Variants in PITPNM2 observed in about 807,000 individuals in gnomAD.
PITPNM2 encodes membrane-associated phosphatidylinositol transfer protein 2.
PITPNM2 carries 35 observed loss-of-function variants against 132.2 expected under a neutral mutation model. That is an observed-to-expected ratio of 0.26 (90% CI 0.20 to 0.35). The LOEUF is 0.35. Among genes scored for constraint, PITPNM2 ranks in the 10% least tolerant of loss-of-function variants. PITPNM2 has a pLI of 1.00. For synonymous variants in PITPNM2, 738 were observed against 799.2 expected, an observed-to-expected ratio of 0.92 and a Z score of 1.29; for missense variants, 1,332 against 1,912.0, an observed-to-expected ratio of 0.70 and a Z score of 5.66.
At chr12:123,057,391 A>G (rs1044963502) in intron 2 of PITPNM2, among the ~76,000 whole-genome samples, 2 of 151,426 alleles carry the variant, frequency 1.3e-5, no homozygotes, top group African/African-American at 4.9e-5. Flanking sequence ...AAAAAAAAAA[A>G]AAAAAAAATT....
intron 23 of PITPNM2, 72 bp downstream of exon 23, chr12:122,987,209 C>T: frequency 6.3e-7 from 1 of 1,588,732 alleles, no homozygotes; most frequent in Non-Finnish European, 8.6e-7. Flanking sequence ...TGTCCTCCTC[C>T]ACCTGGCTGG....
intron 2 of PITPNM2, among the ~76,000 whole-genome samples, chr12:123,069,653 G>A (rs1006545280): frequency 5.3e-5 from 8 of 152,088 alleles, no homozygotes; most frequent in African/African-American, 1.9e-4. Flanking sequence ...GGCACCTTGC[G>A]CCCACTTTCC....
chr12:122,991,962 G>A (rs952064196), intron 16 of PITPNM2: 5 of 1,275,978 alleles, frequency 3.9e-6, no homozygotes, highest in African/African-American at 1.5e-5. Flanking sequence ...ATCCAGACAC[G>A]CTCTGACACA....
At chr12:123,013,680 G>A (rs1353419717) in intron 4 of PITPNM2, 148 bp downstream of exon 4, 2 of 929,568 alleles carry the variant, frequency 2.2e-6, no homozygotes, top group African/African-American at 3.3e-5. Context: ...CGGGGCACCT[G>A]TATGGAACAA....
chr12:123,017,730 G>C (rs763223589), intron 3 of PITPNM2, among the ~76,000 whole-genome samples: 1 of 152,204 alleles, frequency 6.6e-6, no homozygotes, highest in African/African-American at 2.4e-5. Context: ...GATGAACCTT[G>C]AAAAGATTCT....
rs1466641944 is a variant in PITPNM2 at position 123,095,099 on chromosome 12, G to A, written c.-96+15286C>T. 6.6e-6 allele frequency among the ~76,000 whole-genome samples: 1 copy of A among 152,160 alleles called. No homozygotes were observed. The highest frequency in any genetic ancestry group is 1.5e-5 in the Non-Finnish European group (1 of 68,014). On this transcript the variant is annotated intron_variant, in intron 2 of 25. Coordinates refer to ENST00000320201, the MANE Select transcript of PITPNM2 (RefSeq NM_020845.3). This position sits in a 1 kb window ranked among gnomAD's most constrained non-coding sequence, Gnocchi z 5.0. ...CAGCACGGCAGTGCGTCCACATTAG[G>A]GTGGCTGCTGGGGATCCAAGACTCT...
At chr12:123,044,823 C>T (rs1171619225) in intron 2 of PITPNM2, among the ~76,000 whole-genome samples, 1 of 152,110 alleles carries the variant, frequency 6.6e-6, no homozygotes, top group Non-Finnish European at 1.5e-5. Context: ...TCACTCTTTA[C>T]CCAGGCTAGA....
intron 2 of PITPNM2, among the ~76,000 whole-genome samples, chr12:123,053,361 T>A (rs2040923217): frequency 6.6e-6 from 1 of 152,206 alleles, no homozygotes; most frequent in African/African-American, 2.4e-5. Flanking sequence ...GCCGTTTAGT[T>A]CAAACACAGT....
At position 123,064,287 on chromosome 12, in the gene PITPNM2, G is replaced by A. The variant is rs1419754051; in HGVS notation, c.-95-29602C>T. On this transcript the variant is annotated intron_variant, in intron 2 of 25. Transcript: ENST00000320201. The surrounding 1 kb of genome is among the most constrained non-coding windows in gnomAD (Gnocchi z 4.0). The stretch of plus-strand genomic sequence containing the variant: ...ACAGGGACTTGGTCAAGGTCATCGG[G>A]CAAGTCAGTAGCAGGGAAGGGATGA... Among the ~76,000 whole-genome samples the A allele has an allele frequency of 6.6e-6, 1 of 152,194 alleles. No individual in the cohort carries two copies. Among genetic ancestry groups the A allele is most frequent in the Admixed American group, 6.5e-5 (1 of 15,282 alleles).
chr12:123,037,188 G>T (rs1280273744), intron 2 of PITPNM2, among the ~76,000 whole-genome samples: 1 of 152,260 alleles, frequency 6.6e-6, no homozygotes, highest in Admixed American at 6.5e-5. Flanking sequence ...GAAGTAGCAA[G>T]GGACCCAAGT....
intron 3 of PITPNM2, among the ~76,000 whole-genome samples, chr12:123,029,567 C>T (rs1002525882): frequency 6.6e-6 from 1 of 152,166 alleles, no homozygotes; most frequent in Admixed American, 6.5e-5. Context: ...GCCTGGGGAA[C>T]AGAGTGAGAC....
chr12:123,137,296 G>C (rs1452195459), intron 1 of PITPNM2, among the ~76,000 whole-genome samples: 1 of 152,060 alleles, frequency 6.6e-6, no homozygotes, highest in Non-Finnish European at 1.5e-5. Context: ...CCTTTTCCTG[G>C]AGCTGGCCCC....
At chr12:123,151,360 G>A (rs1450640363), upstream of PITPNM2, among the ~76,000 whole-genome samples, 1 of 152,054 alleles carries the variant, frequency 6.6e-6, no homozygotes, top group South Asian at 2.1e-4. Flanking sequence ...CCCGCCCCGG[G>A]CTCCTCGCCC....
chr12:122,992,534 C>A lies in PITPNM2; in HGVS notation c.2369G>T (p.Arg790Leu), dbSNP rs1199062202. 8.1e-6 allele frequency: 13 copies of A among 1,611,252 alleles called. No homozygotes were observed. Among genetic ancestry groups the A allele is most frequent in the Non-Finnish European group, 1.0e-5 (12 of 1,179,508 alleles). The stretch of plus-strand genomic sequence containing the variant: ...GGAGCAGCCATCCCCCAGCGGGTAG[C>A]GTTGGTAGCGGGGGACGCTGAAAGG... ...LPPFSVPRYQ[R>L]YPLGDGCSTL... The change falls in exon 16 of 26, where the codon CGC becomes CTC. Residue 790 changes from arginine to leucine, a missense_variant. Around this residue, in one of 6 missense-constraint regions of PITPNM2, gnomAD observed 710 missense variants for 911.5 expected, o/e 0.78. Coordinates refer to ENST00000320201, the MANE Select transcript of PITPNM2 (RefSeq NM_020845.3). This position sits in a 1 kb window ranked among gnomAD's most constrained non-coding sequence, Gnocchi z 6.5.
chr12:123,049,169 T>G lies in PITPNM2; in HGVS notation c.-95-14484A>C, dbSNP rs2040777487. Among the ~76,000 whole-genome samples, 6 of 149,854 alleles carry G rather than the reference T, an allele frequency of 4.0e-5. No homozygotes were observed. In the South Asian group the frequency reaches 1.3e-3, roughly 32 times the overall value. On this transcript the variant is annotated intron_variant, in intron 2 of 25. Coordinates refer to ENST00000320201, the MANE Select transcript of PITPNM2 (RefSeq NM_020845.3). ...ACACACACACACACACACACACCCC[T>G]CCTACAAAAGCTCTGACAGGAGCCA...
At chr12:123,037,218 C>T (rs2040300757) in intron 2 of PITPNM2, among the ~76,000 whole-genome samples, 2 of 152,324 alleles carry the variant, frequency 1.3e-5, no homozygotes, top group Non-Finnish European at 2.9e-5. Context: ...GGATGGACTT[C>T]CAGCTGGCTG....
chr12:123,128,307 G>A (rs1444970288), intron 1 of PITPNM2, among the ~76,000 whole-genome samples: 3 of 114,582 alleles, frequency 2.6e-5, no homozygotes, highest in East Asian at 2.6e-4. Flanking sequence ...AAAAAAAAGC[G>A]GGCTCACACC....
chr12:123,055,611 G>A (rs1055631705), intron 2 of PITPNM2, among the ~76,000 whole-genome samples: 1 of 152,162 alleles, frequency 6.6e-6, no homozygotes, highest in African/African-American at 2.4e-5. Context: ...TGCTCTGCAC[G>A]CCTATTTGTA....
intron 2 of PITPNM2, among the ~76,000 whole-genome samples, chr12:123,056,851 C>A (rs1472278699): frequency 6.6e-6 from 1 of 152,116 alleles, no homozygotes; most frequent in East Asian, 1.9e-4. Flanking sequence ...CAGGTCCCTG[C>A]AGGACTTTGC....
Sources: gnomAD v4.1 joint callset for allele counts (sites outside exome capture counted in the v4.1 genomes callset) on GRCh38, gnomAD v4.1.1 for gene constraint, gnomAD v4.1.1 regional missense constraint, Gnocchi (gnomAD v3.1) non-coding constraint, MANE v1.5 for transcripts, NCBI Gene and HGNC (gene_info 2026-07-23, HGNC 2026-07-21) for gene names.